Variants in CDH12 observed in about 807,000 individuals in gnomAD.
CDH12 encodes the protein cadherin 12.
In CDH12, 41 loss-of-function variants were observed where a neutral mutation model predicts 74.1. The observed-to-expected ratio is 0.55, with a 90% CI of 0.43 to 0.72. The LOEUF (loss-of-function observed/expected upper bound fraction) is 0.72. Among genes scored for constraint, CDH12 ranks in the 30% least tolerant of loss-of-function variants. The pLI, the probability that CDH12 is intolerant of heterozygous loss-of-function variation, is 0.00. For synonymous variants in CDH12, 399 were observed against 355.0 expected, an observed-to-expected ratio of 1.12 and a Z score of -1.39; for missense variants, 945 against 977.2, an observed-to-expected ratio of 0.97 and a Z score of 0.44.
chr5:21,880,616 CTTCTTTCT>C (rs201513323), intron 6 of CDH12, among the ~76,000 whole-genome samples: 679 of 50,778 alleles, frequency 0.013, 55 homozygotes, highest in Middle Eastern at 0.037. Context: ...TCCTTCCTTC[CTTCTTTCT>C]TTCTTTCTTT....
chr5:22,293,554 T>C (rs1319900228), intron 3 of CDH12, among the ~76,000 whole-genome samples: 3 of 152,108 alleles, frequency 2.0e-5, no homozygotes, highest in Non-Finnish European at 2.9e-5. Flanking sequence ...TTAGCCAAGA[T>C]ATGAAATAAA....
chr5:22,469,538 A>ACT (rs1368476191), intron 2 of CDH12, among the ~76,000 whole-genome samples: 1 of 118,798 alleles, frequency 8.4e-6, no homozygotes, highest in Non-Finnish European at 1.8e-5. Context: ...CACTCCAGTG[A>ACT]CTATTTTAAC....
chr5:22,382,214 A>C (rs1177544447), intron 3 of CDH12, among the ~76,000 whole-genome samples: 2 of 146,084 alleles, frequency 1.4e-5, no homozygotes, highest in Non-Finnish European at 3.0e-5. Flanking sequence ...TTATATATTT[A>C]AAATATATAA....
intron 1 of CDH12, among the ~76,000 whole-genome samples, chr5:22,701,293 A>G (rs925498425): frequency 2.6e-5 from 4 of 152,144 alleles, no homozygotes; most frequent in African/African-American, 9.7e-5. Flanking sequence ...TTTATAATCA[A>G]TGAATAGCTC....
intron 5 of CDH12, among the ~76,000 whole-genome samples, chr5:22,038,360 G>A (rs1739329368): frequency 6.6e-6 from 1 of 152,118 alleles, no homozygotes; most frequent in African/African-American, 2.4e-5. Context: ...CTCCCTAGGG[G>A]GCTGAGCTGA....
In CDH12 at chr5:22,681,721, A is replaced by T. The variant is rs539197247; in HGVS notation, c.-523+171337T>A. Among the ~76,000 whole-genome samples, 482 of 152,272 alleles carry T rather than the reference A, an allele frequency of 3.2e-3. 4 individuals are homozygous for T. Among genetic ancestry groups the T allele is most frequent in the African/African-American group, 0.011 (463 of 41,574 alleles). ...CCAAAAGTGTCACTATATATAAAAA[A>T]GATCTGAAACATTGTGATTGTTTCA... On this transcript the variant is annotated intron_variant, in intron 1 of 14. Coordinates refer to ENST00000382254, the MANE Select transcript of CDH12 (RefSeq NM_004061.5).
chr5:22,442,645 C>T (rs918242631), intron 2 of CDH12, among the ~76,000 whole-genome samples: 8 of 152,084 alleles, frequency 5.3e-5, no homozygotes, highest in Admixed American at 1.3e-4. Flanking sequence ...TCTGCTAATG[C>T]TCATGCATGA....
intron 11 of CDH12, among the ~76,000 whole-genome samples, chr5:21,781,137 A>G (rs2149895569): frequency 6.6e-6 from 1 of 152,304 alleles, no homozygotes; most frequent in South Asian, 2.1e-4. Context: ...GTGGCAACCT[A>G]TAACGCACCT....
chr5:22,500,813 G>A (rs1473500757), intron 2 of CDH12, among the ~76,000 whole-genome samples: 1 of 152,108 alleles, frequency 6.6e-6, no homozygotes, highest in Non-Finnish European at 1.5e-5. Context: ...ACAACTGTGT[G>A]GTTGTTCTGC....
At chr5:22,154,653 C>G (rs1281413548) in intron 4 of CDH12, among the ~76,000 whole-genome samples, 1 of 42,622 alleles carries the variant, frequency 2.3e-5, no homozygotes, top group African/African-American at 4.3e-5. Context: ...TATATATACA[C>G]ATATATAATA....
chr5:22,054,663 G>C (rs896726368), intron 5 of CDH12, among the ~76,000 whole-genome samples: 1 of 152,062 alleles, frequency 6.6e-6, no homozygotes, highest in African/African-American at 2.4e-5. Context: ...GTTTGTAAAA[G>C]AGCAGAATAA....
At chr5:22,768,673 T>C (rs990393778) in intron 1 of CDH12, among the ~76,000 whole-genome samples, 16 of 152,104 alleles carry the variant, frequency 1.1e-4, no homozygotes, top group African/African-American at 3.6e-4. Context: ...ATTAAAAAAA[T>C]GAATAAGATT....
intron 3 of CDH12, among the ~76,000 whole-genome samples, chr5:22,298,426 C>T (rs1737724931): frequency 6.6e-6 from 1 of 151,872 alleles, no homozygotes; most frequent in African/African-American, 2.4e-5. Context: ...TCTAAGCAAA[C>T]CTCTAATTTG....
intron 1 of CDH12, among the ~76,000 whole-genome samples, chr5:22,707,140 G>A (rs569262598): frequency 2.0e-5 from 3 of 152,142 alleles, no homozygotes; most frequent in Non-Finnish European, 4.4e-5. Context: ...TTACACAGCA[G>A]AGTGATTCAA....
intron 3 of CDH12, among the ~76,000 whole-genome samples, chr5:22,337,363 T>C (rs553853305): frequency 1.3e-5 from 2 of 152,224 alleles, no homozygotes; most frequent in East Asian, 3.9e-4. Flanking sequence ...TGTGAGGACA[T>C]TTGGGAGGTG....
intron 1 of CDH12, among the ~76,000 whole-genome samples, chr5:22,578,566 A>G (rs1739913328): frequency 6.6e-6 from 1 of 152,188 alleles, no homozygotes; most frequent in African/African-American, 2.4e-5. Context: ...CTGACTATAA[A>G]TTTAGCAGAA....
chr5:22,784,830 G>T (rs1041918446), intron 1 of CDH12, among the ~76,000 whole-genome samples: 1 of 152,062 alleles, frequency 6.6e-6, no homozygotes, highest in Non-Finnish European at 1.5e-5. Context: ...TTTATGTATG[G>T]CAAGTGATAA....
chr5:22,780,661 G>A (rs1747342833), intron 1 of CDH12, among the ~76,000 whole-genome samples: 2 of 152,012 alleles, frequency 1.3e-5, no homozygotes, highest in Non-Finnish European at 2.9e-5. Context: ...CGATATGTGG[G>A]GATTATGGGA....
chr5:22,125,541 T>A (rs1745806312), intron 4 of CDH12, among the ~76,000 whole-genome samples: 1 of 152,334 alleles, frequency 6.6e-6, no homozygotes, highest in African/African-American at 2.4e-5. Flanking sequence ...ATATTTTTTG[T>A]TGAGTTTTGT....
Sources: gnomAD v4.1 joint callset for allele counts (sites outside exome capture counted in the v4.1 genomes callset) on GRCh38, gnomAD v4.1.1 for gene constraint, MANE v1.5 for transcripts, NCBI Gene and HGNC (gene_info 2026-07-23, HGNC 2026-07-21) for gene names.